The following RPRD2 variants were observed in gnomAD, a reference collection of about 807,000 sequenced individuals.
RPRD2 encodes the protein regulation of nuclear pre-mRNA domain containing 2, also known as regulation of nuclear pre-mRNA domain-containing protein 2.
In RPRD2, 12 loss-of-function variants were observed where a neutral mutation model predicts 104.4. The ratio of observed to expected loss-of-function variants is 0.11; its 90% CI spans 0.07 to 0.19. RPRD2 has a LOEUF of 0.19. Ranked by LOEUF, RPRD2 falls within the 10% of genes least tolerant of loss-of-function variation. The probability of loss-of-function intolerance (pLI) is 1.00; values close to 1 mark genes in which losing one functional copy is unlikely to be tolerated. For synonymous variants in RPRD2, 714 were observed against 684.9 expected (o/e 1.04, Z -0.66); for missense variants, 1,543 against 1,790.1 (o/e 0.86, Z 2.49).
At chr1:150,424,835 C>G (rs1227328382) in intron 2 of RPRD2, among the ~76,000 whole-genome samples, 2 of 152,130 alleles carry the variant, frequency 1.3e-5, no homozygotes, top group Non-Finnish European at 2.9e-5. Flanking sequence ...TTACCAGGGA[C>G]TGATTCTTCT....
intron 1 of RPRD2, among the ~76,000 whole-genome samples, chr1:150,369,699 C>T (rs1553877920): frequency 2.7e-5 from 4 of 147,082 alleles, no homozygotes; most frequent in East Asian, 4.0e-4. Context: ...CCTCATGATC[C>T]GCCCGCCTCA....
intron 1 of RPRD2, among the ~76,000 whole-genome samples, chr1:150,389,517 A>G (rs1478540397): frequency 2.0e-5 from 3 of 152,150 alleles, no homozygotes; most frequent in African/African-American, 7.2e-5. Context: ...ACATGATATC[A>G]AGAGTGTCCA....
intron 1 of RPRD2, among the ~76,000 whole-genome samples, chr1:150,416,209 G>A (rs587774746): frequency 6.6e-6 from 1 of 152,262 alleles, no homozygotes; most frequent in South Asian, 2.1e-4. Context: ...TAGGGAGAAG[G>A]ACAAGAGTAT....
chr1:150,410,250 T>C, intron 1 of RPRD2, among the ~76,000 whole-genome samples: 1 of 152,152 alleles, frequency 6.6e-6, no homozygotes, highest in East Asian at 1.9e-4. Context: ...TGAACTTTAC[T>C]CTTGTTAAAG....
chr1:150,382,506 C>G (rs1259957804), intron 1 of RPRD2, among the ~76,000 whole-genome samples: 2 of 151,954 alleles, frequency 1.3e-5, no homozygotes, highest in Non-Finnish European at 2.9e-5. Context: ...TTACAGGCAC[C>G]CATCACCATG....
chr1:150,459,899 GAA>G (rs201140451), intron 8 of RPRD2, among the ~76,000 whole-genome samples, 159 bp from the exon 9 acceptor site: 2,109 of 152,268 alleles, frequency 0.014, 53 homozygotes, highest in African/African-American at 0.048. Context: ...CATAAATTAT[GAA>G]GAGTATGACT....
intron 2 of RPRD2, among the ~76,000 whole-genome samples, chr1:150,427,300 C>T (rs1553890736): frequency 6.6e-6 from 1 of 152,054 alleles, no homozygotes. Flanking sequence ...TGGTCAAACC[C>T]CATCTCTACT....
chr1:150,438,868 C>T (rs942248350), intron 2 of RPRD2, among the ~76,000 whole-genome samples: 1 of 151,856 alleles, frequency 6.6e-6, no homozygotes, highest in Non-Finnish European at 1.5e-5. Flanking sequence ...CGGAGTCTCA[C>T]TCTGTCTCCA....
intron 2 of RPRD2, among the ~76,000 whole-genome samples, chr1:150,427,170 A>T (rs1236841127): frequency 1.4e-5 from 2 of 146,798 alleles, no homozygotes; most frequent in African/African-American, 2.5e-5. Context: ...AAAAAGTTTT[A>T]AAAAAGAAAA....
At chr1:150,462,225 T>G (rs781839129) in intron 9 of RPRD2, among the ~76,000 whole-genome samples, 4 of 152,004 alleles carry the variant, frequency 2.6e-5, no homozygotes, top group South Asian at 4.2e-4. Flanking sequence ...GGGGTTGCAG[T>G]GAGCCAAGAT....
intron 1 of RPRD2, among the ~76,000 whole-genome samples, chr1:150,393,183 AG>A (rs1207748494): frequency 2.0e-5 from 3 of 152,042 alleles, no homozygotes; most frequent in African/African-American, 7.2e-5. Context: ...ACATTATTAA[AG>A]AGGGCTGGGT....
At chr1:150,420,910 T>C (rs782432579) in intron 2 of RPRD2, among the ~76,000 whole-genome samples, 15 of 152,228 alleles carry the variant, frequency 9.9e-5, no homozygotes, top group Non-Finnish European at 1.8e-4. Flanking sequence ...AATATAATTA[T>C]CTACATCAGG....
At chr1:150,396,189 C>T (rs1303240705) in intron 1 of RPRD2, among the ~76,000 whole-genome samples, 3 of 142,174 alleles carry the variant, frequency 2.1e-5, no homozygotes, top group African/African-American at 5.3e-5. Flanking sequence ...TTGATGGGAT[C>T]GTCTGTGTGT....
intron 1 of RPRD2, among the ~76,000 whole-genome samples, chr1:150,392,996 GAAT>G (rs1434046411): frequency 6.6e-6 from 1 of 151,962 alleles, no homozygotes; most frequent in African/African-American, 2.4e-5. Context: ...AAACATAAAA[GAAT>G]AATTTTAGCA....
At chr1:150,416,468 G>A (rs587712596) in intron 1 of RPRD2, among the ~76,000 whole-genome samples, 6 of 152,206 alleles carry the variant, frequency 3.9e-5, no homozygotes, top group Middle Eastern at 3.4e-3. Flanking sequence ...AAACATGGTA[G>A]ATCATCCATA....
rs1407375626 is a variant in RPRD2 at position 150,422,367 on chromosome 1, T to TAATAATAATAATAATAAA, written c.335+4644_335+4645insTAATAATAATAATAAAAA. Among the ~76,000 whole-genome samples, 783 of 111,954 alleles carry TAATAATAATAATAATAAA rather than the reference T, an allele frequency of 7.0e-3. 13 individuals carry two copies. Among genetic ancestry groups the TAATAATAATAATAATAAA allele is most frequent in the South Asian group, 8.4e-3 (35 of 4,190 alleles). 73.4% of individuals were successfully genotyped at this position (111,954 alleles called of 152,430 possible). A position where few individuals can be genotyped will look rare whatever the true frequency, so the allele number is the denominator to read the frequency against. ...ATAATAATAATAATAATAATAATAATAAATAAAATTAAAATAAAAAAATAA... is the reference window on the plus strand; with the variant it reads ...ATAATAATAATAATAATAATAATAATAATAATAATAATAATAAAAAATAAAATTAAAATAAAAAAATAA... On this transcript the variant is annotated intron_variant, in intron 2 of 10. Coordinates refer to ENST00000369068, the MANE Select transcript of RPRD2 (RefSeq NM_015203.5).
At position 150,364,882 on chromosome 1, in the gene RPRD2, T is replaced by A; in HGVS notation, c.168T>A (p.Ser56Arg). ...GTATAGAGAACAAAAAACACCACAG[T>A]ACTATCGTCTATCATTGGATGAAGT... ...SWCIENKKHHSTIVYHWMKWL... is the reference protein window; with the variant it reads ...SWCIENKKHHRTIVYHWMKWL... The change falls in exon 1 of 11, where the codon AGT becomes AGA. Residue 56 changes from serine (S) to arginine (R), a missense_variant. By Grantham distance (110) the Ser-to-Arg change is moderately radical. Transcript: ENST00000369068. 6.2e-7 allele frequency: 1 copy of A among 1,613,976 alleles called. No individual in the cohort carries two copies. The highest frequency in any genetic ancestry group is 8.5e-7 in the Non-Finnish European group (1 of 1,179,854).
At chr1:150,377,466 C>T (rs187104477) in intron 1 of RPRD2, among the ~76,000 whole-genome samples, 4,284 of 151,758 alleles carry the variant, frequency 0.028, 88 homozygotes, top group Non-Finnish European at 0.041. Context: ...GGCGTGGTGG[C>T]GGGCGCCTGT....
intron 1 of RPRD2, among the ~76,000 whole-genome samples, chr1:150,403,766 A>T (rs1374531368): frequency 6.6e-6 from 1 of 152,164 alleles, no homozygotes; most frequent in East Asian, 1.9e-4. Context: ...CTCATGCCTC[A>T]GCCTTCCGAG....
Sources: allele counts gnomAD v4.1 joint callset (sites outside exome capture counted in the v4.1 genomes callset), GRCh38; gene constraint gnomAD v4.1.1; transcripts MANE v1.5; gene names NCBI Gene and HGNC (gene_info 2026-07-23, HGNC 2026-07-21).